ZFHX4: variants seen among roughly 807,000 people sequenced by gnomAD.
The protein encoded by ZFHX4 is zinc finger homeobox protein 4.
Under a neutral mutation model 267.6 loss-of-function variants are expected in ZFHX4, and 56 were observed. The ratio of observed to expected loss-of-function variants is 0.21; its 90% CI spans 0.17 to 0.26. The LOEUF is 0.26. Among genes scored for constraint, ZFHX4 ranks in the 10% least tolerant of loss-of-function variants. The pLI is 1.00. For synonymous variants in ZFHX4, 1,778 were observed against 1,665.6 expected, an observed-to-expected ratio of 1.07 and a Z score of -1.64; for missense variants, 4,332 against 4,420.0, an observed-to-expected ratio of 0.98 and a Z score of 0.56.
At chr8:76,764,481 G>C (rs1233211142) in intron 3 of ZFHX4, among the ~76,000 whole-genome samples, 2 of 152,120 alleles carry the variant, frequency 1.3e-5, no homozygotes, top group Non-Finnish European at 2.9e-5. Context: ...ATTGGTACAT[G>C]CTTACCAAGG....
At chr8:76,849,161 T>A in intron 7 of ZFHX4, 33 bp downstream of exon 7, 2 of 1,521,634 alleles carry the variant, frequency 1.3e-6, no homozygotes, top group East Asian at 2.5e-5. Context: ...ACTGTGTAAA[T>A]CTTTATTTTT....
In ZFHX4 at chr8:76,856,749, C is replaced by G. The variant is rs531001119; in HGVS notation, c.9379+449C>G. On this transcript the variant is annotated intron_variant, in intron 10 of 10. Coordinates refer to ENST00000651372, the MANE Select transcript of ZFHX4 (RefSeq NM_024721.5). The stretch of plus-strand genomic sequence containing the variant: ...GTGGTGGTGTTTTTGTTTGTCCCCC[C>G]CGCCGCCACCCTGTGACACCCAGAG... 5.3e-5 allele frequency among the ~76,000 whole-genome samples: 8 copies of G among 152,136 alleles called. 1 individual carries two copies. The highest frequency in any genetic ancestry group is 1.9e-4 in the African/African-American group (8 of 41,482).
intron 3 of ZFHX4, among the ~76,000 whole-genome samples, chr8:76,714,262 G>A (rs913522597): frequency 1.3e-5 from 2 of 152,110 alleles, no homozygotes; most frequent in Admixed American, 1.3e-4. Flanking sequence ...GTGTTGGGAC[G>A]CCATGCCATA....
chr8:76,711,790 G>A (rs56121762), intron 3 of ZFHX4, among the ~76,000 whole-genome samples: 1,903 of 152,174 alleles, frequency 0.013, 35 homozygotes, highest in African/African-American at 0.044. Context: ...AGCACTACAC[G>A]TTCAAATTGA....
At position 76,863,819 on chromosome 8, in the gene ZFHX4, G is replaced by C; in HGVS notation, c.10105G>C (p.Asp3369His). ...CAACGATGCTTCAGAAACAAAGGAAGACAAAAGTACTGCTACAGAAAGCAC... is the reference window on the plus strand; with the variant it reads ...CAACGATGCTTCAGAAACAAAGGAACACAAAAGTACTGCTACAGAAAGCAC... ...NSNDASETKE[D>H]KSTATESTKE... The change falls in exon 11 of 11, where the codon GAC becomes CAC. Residue 3369 changes from aspartate (D) to histidine (H), a missense_variant. Asp to His is a moderately conservative substitution (Grantham distance 81, BLOSUM62 -1). This residue lies in a region of ZFHX4 where 1,648 missense variants were observed against 1,625.0 expected (regional missense o/e 1.01). Coordinates refer to ENST00000651372, the MANE Select transcript of ZFHX4 (RefSeq NM_024721.5). 1.3e-6 allele frequency: 2 copies of C among 1,552,568 alleles called. No homozygotes were observed. Among genetic ancestry groups the C allele is most frequent in the Non-Finnish European group, 1.7e-6 (2 of 1,147,384 alleles).
At chr8:76,842,173 C>CTT (rs1812250923) in intron 5 of ZFHX4, among the ~76,000 whole-genome samples, 1 of 152,026 alleles carries the variant, frequency 6.6e-6, no homozygotes, top group Non-Finnish European at 1.5e-5. Context: ...AAGAAAATGC[C>CTT]AAAGAATTCC....
chr8:76,799,327 C>CA (rs11399312), intron 4 of ZFHX4, among the ~76,000 whole-genome samples: 10,604 of 152,162 alleles, frequency 0.07, 775 homozygotes, highest in African/African-American at 0.19. Context: ...ACATGCTTTG[C>CA]GTCTATTTTG....
chr8:76,783,528 G>T (rs1370294941), intron 4 of ZFHX4, among the ~76,000 whole-genome samples: 1 of 151,618 alleles, frequency 6.6e-6, no homozygotes, highest in Non-Finnish European at 1.5e-5. Context: ...TCCCTATTTG[G>T]TGATACTGTG....
Position 76,708,099 on chromosome 8 carries a change from CTCTT to C in ZFHX4, c.3093+54_3093+57del. 5 of 1,604,044 alleles carry C rather than the reference CTCTT, an allele frequency of 3.1e-6. No individual in the cohort carries two copies. In the Middle Eastern group the frequency reaches 5.0e-4, roughly 159 times the overall value. On this transcript the variant is annotated intron_variant, in intron 3 of 10. Transcript: ENST00000651372. ...GGCACAGAGTAGAAAAGGGAATTAA[CTCTT>C]TCAGAGCTTGGAGCACAAGTCTCCA... is the stretch of plus-strand genomic sequence containing the variant.
intron 4 of ZFHX4, among the ~76,000 whole-genome samples, chr8:76,812,101 A>G (rs946941826): frequency 6.6e-6 from 1 of 152,236 alleles, no homozygotes; most frequent in Admixed American, 6.5e-5. Flanking sequence ...TAAGAAAATC[A>G]TGTTTACAAT....
intron 3 of ZFHX4, among the ~76,000 whole-genome samples, chr8:76,721,319 A>C (rs930636215): frequency 6.6e-6 from 1 of 152,130 alleles, no homozygotes; most frequent in African/African-American, 2.4e-5. Context: ...GGAATGAAAA[A>C]ATTGGTACAT....
chr8:76,715,697 T>G (rs1808553229), intron 3 of ZFHX4, among the ~76,000 whole-genome samples: 1 of 152,092 alleles, frequency 6.6e-6, no homozygotes, highest in South Asian at 2.1e-4. Flanking sequence ...ACAGTTGTTG[T>G]GACCATATTT....
rs781541619 is a variant in ZFHX4 at position 76,704,614 on chromosome 8, A to C, written c.526A>C (p.Lys176Gln). 2 of 1,613,896 alleles carry C rather than the reference A, an allele frequency of 1.2e-6. No individual in the cohort carries two copies. Among genetic ancestry groups the C allele is most frequent in the Non-Finnish European group, 1.7e-6 (2 of 1,179,906 alleles). Residue 176 changes from lysine to glutamine, a missense_variant, in exon 2 of 11, where the codon AAG becomes CAG. Physicochemically the swap from Lys to Gln is moderately conservative, Grantham distance 53 (BLOSUM62 1). Transcript: ENST00000651372. Reference protein sequence around the residue: ...FLDSLASAGEKSDQSASAPMS... With the variant: ...FLDSLASAGEQSDQSASAPMS... ...GGACTCCCTGGCATCTGCTGGAGAG[A>C]AGAGTGATCAGTCTGCTTCTGCACC...
chr8:76,782,880 G>A (rs1379101372), intron 4 of ZFHX4, among the ~76,000 whole-genome samples: 3 of 151,904 alleles, frequency 2.0e-5, no homozygotes, highest in African/African-American at 7.2e-5. Flanking sequence ...GGACTCTATT[G>A]ATATTAATTA....
intron 3 of ZFHX4, among the ~76,000 whole-genome samples, chr8:76,708,473 A>G (rs1056744208): frequency 6.6e-6 from 1 of 152,134 alleles, no homozygotes; most frequent in African/African-American, 2.4e-5. Context: ...GTTTGGTGAC[A>G]AACAATGACG....
At chr8:76,811,546 G>GA (rs1324673409) in intron 4 of ZFHX4, among the ~76,000 whole-genome samples, 2 of 151,658 alleles carry the variant, frequency 1.3e-5, no homozygotes, top group Non-Finnish European at 1.5e-5. Context: ...CCTGTGGATG[G>GA]AAAAAAAACT....
chr8:76,686,859 G>A (rs533744088), intron 1 of ZFHX4, among the ~76,000 whole-genome samples: 1 of 152,266 alleles, frequency 6.6e-6, no homozygotes, highest in African/African-American at 2.4e-5. Context: ...AGAAATATGA[G>A]AAGCCAGGTT....
chr8:76,718,828 C>G (rs527747991), intron 3 of ZFHX4, among the ~76,000 whole-genome samples: 5 of 151,864 alleles, frequency 3.3e-5, no homozygotes, highest in African/African-American at 7.2e-5. Flanking sequence ...TTGTAAGTTG[C>G]TGTTCCATGT....
chr8:76,852,240 C>T lies in ZFHX4; in HGVS notation c.5319C>T (p.Ser1773=), dbSNP rs767973819. 1.9e-6 allele frequency: 3 copies of T among 1,609,328 alleles called. No homozygotes were observed. The highest frequency in any genetic ancestry group is 2.2e-5 in the East Asian group (1 of 44,702). ...CTGGCATGACAGGAATGGCTGGCTC[C>T]TTGCTTGAAGACCTAAAGCAGCAGA... The part of the protein sequence containing the change: ...GMPGMTGMAG[S]LLEDLKQQIQ... The change falls in exon 10 of 11, where the codon TCC becomes TCT. Residue 1773 remains serine, a synonymous_variant. Transcript: ENST00000651372.
Sources: allele counts gnomAD v4.1 joint callset (sites outside exome capture counted in the v4.1 genomes callset), GRCh38; gene constraint gnomAD v4.1.1; regional missense constraint gnomAD v4.1.1; transcripts MANE v1.5; gene names NCBI Gene and HGNC (gene_info 2026-07-23, HGNC 2026-07-21).